TTC28: variants seen among roughly 807,000 people sequenced by gnomAD.
TTC28 encodes the protein tetratricopeptide repeat protein 28.
TTC28 carries 61 observed loss-of-function variants against 198.0 expected under a neutral mutation model. That is an observed-to-expected ratio of 0.31 (90% confidence interval 0.25 to 0.38). The LOEUF is 0.38. Among genes scored for constraint, TTC28 ranks in the 10% least tolerant of loss-of-function variants. The probability of loss-of-function intolerance (pLI) is 1.00; values close to 1 mark genes in which losing one functional copy is unlikely to be tolerated. For synonymous variants in TTC28, 1,171 were observed against 1,297.8 expected, an observed-to-expected ratio of 0.90 and a Z score of 2.10; for missense variants, 2,678 against 3,164.0, an observed-to-expected ratio of 0.85 and a Z score of 3.69.
intron 21 of TTC28, among the ~76,000 whole-genome samples, chr22:27,989,594 G>A (rs1486647552): frequency 6.6e-6 from 1 of 152,026 alleles, no homozygotes; most frequent in Admixed American, 6.6e-5. Flanking sequence ...CTACAGGCAT[G>A]CACCACCATG....
At chr22:28,038,969 G>T (rs1258860968) in intron 12 of TTC28, among the ~76,000 whole-genome samples, 3 of 152,164 alleles carry the variant, frequency 2.0e-5, no homozygotes, top group African/African-American at 7.2e-5. Context: ...ACCACAATGA[G>T]ATACCATCTC....
chr22:28,389,531 G>A (rs1267781850), intron 2 of TTC28, among the ~76,000 whole-genome samples: 5 of 148,580 alleles, frequency 3.4e-5, no homozygotes, highest in Non-Finnish European at 4.5e-5. Context: ...CCTGTTATTG[G>A]TCTATTCAGA....
intron 5 of TTC28, among the ~76,000 whole-genome samples, chr22:28,271,918 T>C (rs1860278353): frequency 1.3e-5 from 2 of 152,164 alleles, no homozygotes; most frequent in African/African-American, 4.8e-5. Context: ...GGTGTTTTTA[T>C]AAGGGTTTCC....
At chr22:28,383,769 T>TCC (rs2146032467) in intron 2 of TTC28, among the ~76,000 whole-genome samples, 1 of 152,308 alleles carries the variant, frequency 6.6e-6, no homozygotes, top group African/African-American at 2.4e-5. Context: ...CACAAGGGCC[T>TCC]CCCAATTGGA....
At chr22:28,141,237 C>T (rs1198626268) in intron 6 of TTC28, among the ~76,000 whole-genome samples, 1 of 152,202 alleles carries the variant, frequency 6.6e-6, no homozygotes, top group African/African-American at 2.4e-5. Flanking sequence ...CTCCCTCCTT[C>T]CCTGCCATCA....
intron 2 of TTC28, among the ~76,000 whole-genome samples, chr22:28,575,436 T>C (rs1320685957): frequency 6.6e-6 from 1 of 152,118 alleles, no homozygotes; most frequent in Non-Finnish European, 1.5e-5. Flanking sequence ...CTCTGTAGTA[T>C]AATTTGAAGT....
intron 2 of TTC28, among the ~76,000 whole-genome samples, chr22:28,339,887 C>G (rs1247548328): frequency 6.6e-6 from 1 of 152,122 alleles, no homozygotes; most frequent in African/African-American, 2.4e-5. Flanking sequence ...CAGTGGGCTG[C>G]ACCCACTGTC....
At chr22:28,173,493 T>C (rs760066947) in intron 5 of TTC28, among the ~76,000 whole-genome samples, 43 of 152,342 alleles carry the variant, frequency 2.8e-4, no homozygotes, top group Non-Finnish European at 5.6e-4. Context: ...ACAGTTATGC[T>C]AACAAACTAT....
At chr22:28,202,525 G>A (rs1350010215) in intron 5 of TTC28, among the ~76,000 whole-genome samples, 14 of 149,294 alleles carry the variant, frequency 9.4e-5, no homozygotes, top group East Asian at 2.0e-4. Flanking sequence ...GAACAACAGC[G>A]AGACTCTGTC....
chr22:28,075,409 C>A (rs1941135871), intron 12 of TTC28, among the ~76,000 whole-genome samples: 1 of 152,046 alleles, frequency 6.6e-6, no homozygotes, highest in Admixed American at 6.5e-5. Flanking sequence ...GCAGATACAG[C>A]TGAGCCTGAG....
At chr22:28,108,830 C>CA (rs1162162963) in intron 6 of TTC28, among the ~76,000 whole-genome samples, 1 of 152,174 alleles carries the variant, frequency 6.6e-6, no homozygotes. Context: ...CACAGAAATA[C>CA]AAAGAGTAAC....
At chr22:28,466,478 A>G (rs2048021913) in intron 2 of TTC28, among the ~76,000 whole-genome samples, 1 of 152,174 alleles carries the variant, frequency 6.6e-6, no homozygotes, top group African/African-American at 2.4e-5. Context: ...TATATAAGAT[A>G]TGGTATGCCA....
rs771522552 is a variant in TTC28 at position 27,982,332 on chromosome 22, C to T, written c.7335G>A (p.Pro2445=). 108 of 1,533,442 alleles carry T rather than the reference C, an allele frequency of 7.0e-5. No individual in the cohort carries two copies. The highest frequency in any genetic ancestry group is 9.7e-5 in the African/African-American group (7 of 72,478). The allele number at this position is 1,533,442 out of a possible 1,614,324, so 95.0% of individuals were successfully genotyped here. Residue 2445 remains proline (P), a synonymous_variant, in exon 23 of 23, where the codon CCG becomes CCA. Coordinates refer to ENST00000397906, the MANE Select transcript of TTC28 (RefSeq NM_001145418.2). The surrounding 1 kb of genome is among the most constrained non-coding windows in gnomAD (Gnocchi z 5.2). ...CTGTGGCGGGAGGGCCGGCGGGCAG[C>T]GGCAGTGAGCCCAGCGAGGTGGTCT... The part of the protein sequence containing the change: ...RTETTSLGSL[P]LPAGPPATAP...
intron 2 of TTC28, among the ~76,000 whole-genome samples, chr22:28,467,318 G>A (rs1010366096): frequency 2.6e-5 from 4 of 152,174 alleles, no homozygotes; most frequent in African/African-American, 9.7e-5. Context: ...CAGCTATTCA[G>A]GAGGCTGAGG....
chr22:28,083,183 C>G (rs1366940083), intron 12 of TTC28, among the ~76,000 whole-genome samples: 1 of 151,350 alleles, frequency 6.6e-6, no homozygotes, highest in Non-Finnish European at 1.5e-5. Flanking sequence ...TGTTTTAGAC[C>G]AGAGGTGCCT....
intron 5 of TTC28, among the ~76,000 whole-genome samples, chr22:28,260,381 G>A (rs1171567026): frequency 6.6e-6 from 1 of 151,992 alleles, no homozygotes; most frequent in East Asian, 1.9e-4. Flanking sequence ...GGGATTAAAA[G>A]TCTTTCTATT....
rs1937077976 is a variant in TTC28 at position 27,983,056 on chromosome 22, G to T, written c.6611C>A (p.Ala2204Asp). ...ACTGGTTTCTGACGCTCTGAAGACAGCAGTGCTGCTGGGCGCCTGAACGCC... is the reference window on the plus strand; with the variant it reads ...ACTGGTTTCTGACGCTCTGAAGACATCAGTGCTGCTGGGCGCCTGAACGCC... ...EDGVQAPSST[A>D]VFRASETSAF... Residue 2204 changes from alanine (A) to aspartate (D), a missense_variant, in exon 23 of 23, where the codon GCT becomes GAT. Ala to Asp is a moderately radical substitution (Grantham distance 126). This residue lies in a region of TTC28 where 622 missense variants were observed against 656.0 expected (regional missense o/e 0.95). Coordinates refer to ENST00000397906, the MANE Select transcript of TTC28 (RefSeq NM_001145418.2). 1.3e-6 allele frequency: 2 copies of T among 1,551,742 alleles called. No individual in the cohort carries two copies. Among genetic ancestry groups the T allele is most frequent in the Non-Finnish European group, 1.7e-6 (2 of 1,147,004 alleles).
chr22:28,222,852 G>C (rs1927995364), intron 5 of TTC28, among the ~76,000 whole-genome samples: 1 of 152,128 alleles, frequency 6.6e-6, no homozygotes, highest in African/African-American at 2.4e-5. Flanking sequence ...TTTTAATATG[G>C]ATATTAAACC....
intron 14 of TTC28, among the ~76,000 whole-genome samples, chr22:28,003,146 T>C (rs1479206535): frequency 1.3e-5 from 2 of 152,116 alleles, no homozygotes; most frequent in Non-Finnish European, 2.9e-5. Flanking sequence ...GAAAGAGTTG[T>C]AGGGCACCTG....
Sources: allele counts gnomAD v4.1 joint callset (sites outside exome capture counted in the v4.1 genomes callset), GRCh38; gene constraint gnomAD v4.1.1; regional missense constraint gnomAD v4.1.1; non-coding constraint Gnocchi (gnomAD v3.1); transcripts MANE v1.5; gene names NCBI Gene and HGNC (gene_info 2026-07-23, HGNC 2026-07-21).